The following ORC2 variants were observed in gnomAD, a reference collection of about 807,000 sequenced individuals.
The protein encoded by ORC2 is origin recognition complex subunit 2.
In ORC2, 37 loss-of-function variants were observed where a neutral mutation model predicts 77.7. The observed-to-expected ratio is 0.48, with a 90% CI of 0.37 to 0.63. The LOEUF is 0.63. Ranked by LOEUF, ORC2 falls within the 20% of genes least tolerant of loss-of-function variation. The pLI is 0.00. For missense variants in ORC2, 557 were observed against 661.9 expected (o/e 0.84, Z 1.74); for synonymous variants, 201 against 229.5 (o/e 0.88, Z 1.12).
intron 5 of ORC2, among the ~76,000 whole-genome samples, chr2:200,948,687 T>C (rs529237525): frequency 6.6e-6 from 1 of 151,842 alleles, no homozygotes; most frequent in African/African-American, 2.4e-5. Flanking sequence ...CTCAGCCTCC[T>C]GGATAGCTAG....
intron 11 of ORC2, 55 bp downstream of exon 11, chr2:200,931,284 G>A: frequency 1.4e-6 from 1 of 723,938 alleles, no homozygotes; most frequent in Non-Finnish European, 2.2e-6. Flanking sequence ...TTAACATAAA[G>A]ATTCATGTAA....
chr2:200,913,575 G>GCTTTTAA, intron 16 of ORC2, 162 bp from the exon 17 acceptor site: 1 of 1,329,232 alleles, frequency 7.5e-7, no homozygotes. Flanking sequence ...AGTAAGTCAT[G>GCTTTTAA]AGAGCAGAAC....
intron 5 of ORC2, among the ~76,000 whole-genome samples, chr2:200,947,694 C>T (rs901213486): frequency 1.3e-5 from 2 of 152,072 alleles, no homozygotes; most frequent in Non-Finnish European, 2.9e-5. Context: ...AAAATGATGA[C>T]CCCCTCATAC....
chr2:200,930,681 A>G (rs2040924667), intron 11 of ORC2, among the ~76,000 whole-genome samples: 1 of 152,150 alleles, frequency 6.6e-6, no homozygotes, highest in South Asian at 2.1e-4. Flanking sequence ...GTATATTCAC[A>G]TTAGTGTACA....
Position 200,928,813 on chromosome 2 carries a change from CA to C in ORC2, c.918-1914del, listed in dbSNP as rs1189720169. On this transcript the variant is annotated intron_variant, in intron 11 of 17. Coordinates refer to ENST00000234296, the MANE Select transcript of ORC2 (RefSeq NM_006190.5). ...TGGGCAACAGAGCAAGACTCTGTCTCAAAAAAAAAAACAACAAAAAAAAAGT... is the reference window on the plus strand; with the variant it reads ...TGGGCAACAGAGCAAGACTCTGTCTCAAAAAAAAAACAACAAAAAAAAAGT... Among the ~76,000 whole-genome samples, 81 of 121,948 alleles carry C rather than the reference CA, an allele frequency of 6.6e-4. 1 individual carries two copies. The highest frequency in any genetic ancestry group is 7.2e-4 in the Non-Finnish European group (41 of 57,066). The allele number at this position is 121,948 out of a possible 152,430, so 80.0% of individuals were successfully genotyped here.
intron 15 of ORC2, among the ~76,000 whole-genome samples, chr2:200,918,624 G>A (rs951096250): frequency 2.0e-5 from 3 of 151,330 alleles, no homozygotes; most frequent in Admixed American, 6.6e-5. Context: ...AAGTAGCTGG[G>A]ATTACAGGTG....
intron 4 of ORC2, among the ~76,000 whole-genome samples, chr2:200,950,139 G>C (rs2041325233): frequency 6.6e-6 from 1 of 152,104 alleles, no homozygotes; most frequent in Non-Finnish European, 1.5e-5. Flanking sequence ...AGAGCATCCT[G>C]GCTAACACAG....
intron 14 of ORC2, among the ~76,000 whole-genome samples, chr2:200,920,595 AG>A (rs2040739092): frequency 1.3e-5 from 2 of 152,244 alleles, no homozygotes; most frequent in African/African-American, 2.4e-5. Flanking sequence ...TTTTCAATTA[AG>A]CATAAATTAA....
At chr2:200,958,251 T>TA in intron 2 of ORC2, 118 bp from the exon 3 acceptor site, 2 of 603,896 alleles carry the variant, frequency 3.3e-6, no homozygotes, top group South Asian at 2.1e-5. Context: ...TTTTTAAGTA[T>TA]AAAAAATACA....
In ORC2 at chr2:200,956,686, C is replaced by G. The variant is rs146150552; in HGVS notation, c.238+715G>C. On this transcript the variant is annotated intron_variant, in intron 4 of 17. Coordinates refer to ENST00000234296, the MANE Select transcript of ORC2 (RefSeq NM_006190.5). ...ACTCAGGTGGCTAAGTTGGGAGGAT[C>G]TCCTGAACCCAGAAGTTGGAGGCTA... 2.9e-3 allele frequency among the ~76,000 whole-genome samples: 437 copies of G among 152,174 alleles called. 1 individual carries two copies. The highest frequency in any genetic ancestry group is 4.5e-3 in the Admixed American group (69 of 15,268).
At chr2:200,918,577 C>T (rs1226556769) in intron 15 of ORC2, among the ~76,000 whole-genome samples, 1 of 149,820 alleles carries the variant, frequency 6.7e-6, no homozygotes, top group Non-Finnish European at 1.5e-5. Flanking sequence ...CAACCTCCGC[C>T]TCCTGGGTTC....
At chr2:200,927,104 T>C (rs1261611502) in intron 11 of ORC2, among the ~76,000 whole-genome samples, 1 of 152,028 alleles carries the variant, frequency 6.6e-6, no homozygotes, top group Non-Finnish European at 1.5e-5. Context: ...CTTTTTTTTT[T>C]TGAGACAGAG....
chr2:200,931,445 T>C lies in ORC2; in HGVS notation c.811A>G (p.Thr271Ala). Residue 271 changes from threonine to alanine, a missense_variant, in exon 11 of 18, where the codon ACT (threonine) becomes GCT (alanine). By Grantham distance (58) the Thr-to-Ala change is moderately conservative (BLOSUM62 0). Transcript: ENST00000234296. ...KLKRAKLDQQ[T>A]LRNLLSKVSP... ...ACCTTGCTCAATAAGTTACGCAAAG[T>C]TTGCTTTAAAAAAAAGGAGGAGGGG... The C allele has an allele frequency of 1.3e-6, 2 of 1,551,418 alleles. No individual in the cohort carries two copies. Among genetic ancestry groups the C allele is most frequent in the South Asian group, 2.4e-5 (2 of 84,016 alleles).
chr2:200,963,529 C>G lies in ORC2; in HGVS notation c.-99G>C, dbSNP rs1472400233. On this transcript the variant is annotated 5_prime_UTR_variant, in exon 1 of 18. Transcript: ENST00000234296. ...CTGGCGCCGATCCGGCTGCGTCACG[C>G]CGGCCGAACGACACCCCGCTGAGTC... 5.0e-6 allele frequency: 2 copies of G among 398,496 alleles called. No homozygotes were observed. Among genetic ancestry groups the G allele is most frequent in the Non-Finnish European group, 8.8e-6 (2 of 226,036 alleles). The allele number at this position is 398,496 out of a possible 1,614,324, so 24.7% of individuals were successfully genotyped here.
At chr2:200,915,614 A>G (rs1444278043) in intron 15 of ORC2, among the ~76,000 whole-genome samples, 2 of 152,238 alleles carry the variant, frequency 1.3e-5, no homozygotes, top group African/African-American at 4.8e-5. Context: ...GGGTATGCCA[A>G]AAATTCAAAA....
chr2:200,942,883 T>C, intron 5 of ORC2, 106 bp from the exon 6 acceptor site: 1 of 552,976 alleles, frequency 1.8e-6, no homozygotes, highest in East Asian at 3.2e-5. Context: ...TCTGTTACTT[T>C]TATCAGAAAA....
chr2:200,957,731 C>T (rs1395035170), intron 3 of ORC2, among the ~76,000 whole-genome samples, 187 bp from the exon 4 acceptor site: 1 of 151,302 alleles, frequency 6.6e-6, no homozygotes, highest in Non-Finnish European at 1.5e-5. Flanking sequence ...AAAAAACACA[C>T]ACAATCTTGA....
At chr2:200,945,631 A>T (rs184679477) in intron 5 of ORC2, among the ~76,000 whole-genome samples, 32 of 152,294 alleles carry the variant, frequency 2.1e-4, no homozygotes, top group African/African-American at 2.4e-5. Context: ...GTATCTTTAT[A>T]TTCATTATTC....
At chr2:200,928,158 C>T (rs183475112) in intron 11 of ORC2, among the ~76,000 whole-genome samples, 1 of 151,446 alleles carries the variant, frequency 6.6e-6, no homozygotes, top group African/African-American at 2.4e-5. Context: ...GAATTCGAGA[C>T]CAGCCTGGCC....
Sources: gnomAD v4.1 joint callset for allele counts (sites outside exome capture counted in the v4.1 genomes callset) on GRCh38, gnomAD v4.1.1 for gene constraint, MANE v1.5 for transcripts, NCBI Gene and HGNC (gene_info 2026-07-23, HGNC 2026-07-21) for gene names.